The following IL6ST variants were observed in gnomAD, a reference collection of about 807,000 sequenced individuals.
IL6ST encodes interleukin 6 cytokine family signal transducer.
A neutral mutation model predicts 91.3 loss-of-function variants in IL6ST; 24 were observed. The observed-to-expected ratio is 0.26, with a 90% CI of 0.19 to 0.37. The LOEUF is 0.37. Ranked by LOEUF, IL6ST falls within the 10% of genes least tolerant of loss-of-function variation. IL6ST has a pLI of 1.00. For synonymous variants in IL6ST, 351 were observed against 373.6 expected, an observed-to-expected ratio of 0.94 and a Z score of 0.70; for missense variants, 914 against 1,078.5, an observed-to-expected ratio of 0.85 and a Z score of 2.14.
At chr5:55,959,002 C>T (rs1422086970) in intron 8 of IL6ST, among the ~76,000 whole-genome samples, 1 of 151,698 alleles carries the variant, frequency 6.6e-6, no homozygotes, top group Admixed American at 6.6e-5. Context: ...CAGTGCAGCA[C>T]TCAAACAGAA....
At chr5:55,957,177 A>G (rs1448311523) in intron 9 of IL6ST, 32 bp downstream of exon 9, 5 of 1,081,298 alleles carry the variant, frequency 4.6e-6, no homozygotes, top group Non-Finnish European at 6.8e-6. Flanking sequence ...AAAAAGATTT[A>G]TAAGAGATAA....
intron 1 of IL6ST, among the ~76,000 whole-genome samples, chr5:55,986,296 C>T (rs1753967196): frequency 6.6e-6 from 1 of 152,152 alleles, no homozygotes; most frequent in African/African-American, 2.4e-5. Flanking sequence ...TTTGGTAGAT[C>T]CTTTTGATAA....
intron 1 of IL6ST, among the ~76,000 whole-genome samples, chr5:55,988,441 T>C (rs1561207536): frequency 6.6e-6 from 1 of 151,142 alleles, no homozygotes; most frequent in Non-Finnish European, 1.5e-5. Flanking sequence ...CTATTTAGAG[T>C]TTAACATAAC....
Position 55,936,066 on chromosome 5 carries a change from G to GT in IL6ST, c.*5015dup, listed in dbSNP as rs1019764658. The GT allele has an allele frequency of 8.8e-6, 2 of 228,008 alleles. No individual in the cohort carries two copies. Among genetic ancestry groups the GT allele is most frequent in the African/African-American group, 2.2e-5 (1 of 45,050 alleles). 14.1% of individuals were successfully genotyped at this position (228,008 alleles called of 1,614,324 possible). On this transcript the variant is annotated 3_prime_UTR_variant, in exon 17 of 17. Transcript: ENST00000381298. Reference sequence around the variant, plus strand: ...GGAGTTACTGTTGGCTGGCTTGTGGGTTTTTTGACTCACTACATTTTTTTA... The same window carrying GT: ...GGAGTTACTGTTGGCTGGCTTGTGGGTTTTTTTGACTCACTACATTTTTTTA...
At chr5:55,984,514 C>G (rs189867288) in intron 1 of IL6ST, among the ~76,000 whole-genome samples, 11 of 152,204 alleles carry the variant, frequency 7.2e-5, no homozygotes, top group African/African-American at 2.6e-4. Flanking sequence ...CAGCTGTAAG[C>G]TAAGGAATCT....
At chr5:55,990,716 T>G (rs1754271457) in intron 1 of IL6ST, among the ~76,000 whole-genome samples, 1 of 152,134 alleles carries the variant, frequency 6.6e-6, no homozygotes, top group African/African-American at 2.4e-5. Flanking sequence ...TACATGCTCA[T>G]GAACACATAT....
chr5:55,984,633 T>C (rs1753854684), intron 1 of IL6ST, among the ~76,000 whole-genome samples: 1 of 152,222 alleles, frequency 6.6e-6, no homozygotes, highest in African/African-American at 2.4e-5. Flanking sequence ...ATTTGTTGTT[T>C]TGAGCCACCC....
rs1314311762 is a variant in IL6ST at position 55,941,171 on chromosome 5, T to C, written c.2668A>G (p.Thr890Ala). Reference protein sequence around the residue: ...GTEGQVERFETVGMEAATDEG... With the variant: ...GTEGQVERFEAVGMEAATDEG... ...TCAGTCGCAGCCTCCATGCCAACTGTTTCAAATCTTTCTACTTGTCCCTCA... is the reference window on the plus strand; with the variant it reads ...TCAGTCGCAGCCTCCATGCCAACTGCTTCAAATCTTTCTACTTGTCCCTCA... The change falls in exon 17 of 17, where the codon ACA becomes GCA. Residue 890 changes from threonine to alanine, a missense_variant. Transcript: ENST00000381298. The C allele has an allele frequency of 6.2e-7, 1 of 1,614,004 alleles. No homozygotes were observed. The highest frequency in any genetic ancestry group is 1.7e-5 in the Admixed American group (1 of 59,996).
Position 55,951,998 on chromosome 5 carries a change from C to G in IL6ST, c.1630G>C (p.Val544Leu), listed in dbSNP as rs375131282. 17 of 1,588,910 alleles carry G rather than the reference C, an allele frequency of 1.1e-5. No individual in the cohort carries two copies. Among genetic ancestry groups the G allele is most frequent in the Non-Finnish European group, 1.4e-5 (16 of 1,157,524 alleles). ...CTGATAAATCCATTCTGAACATCAA[C>G]AGGAAGTTGGTCCCACTCTAAGACA... ...EAVLEWDQLP[V>L]DVQNGFIRNY... The change falls in exon 13 of 17, where the codon GTT becomes CTT. Residue 544 changes from valine to leucine, a missense_variant. Physicochemically the swap from Val to Leu is conservative, Grantham distance 32. Coordinates refer to ENST00000381298, the MANE Select transcript of IL6ST (RefSeq NM_002184.4).
At chr5:55,991,653 G>T (rs986306846) in intron 1 of IL6ST, among the ~76,000 whole-genome samples, 7 of 150,646 alleles carry the variant, frequency 4.6e-5, no homozygotes, top group Non-Finnish European at 1.0e-4. Flanking sequence ...GAATAATAAT[G>T]CCAAATATTC....
chr5:55,955,655 T>G (rs1204946088), intron 10 of IL6ST, among the ~76,000 whole-genome samples: 1 of 150,224 alleles, frequency 6.7e-6, no homozygotes, highest in Admixed American at 6.6e-5. Context: ...TACTGTGAAG[T>G]TTAAGTGAGC....
Position 55,941,708 on chromosome 5 carries a change from A to G in IL6ST, c.2131T>C (p.Leu711=), listed in dbSNP as rs780183208. 103 of 1,613,902 alleles carry G rather than the reference A, an allele frequency of 6.4e-5. 1 individual carries two copies. The highest frequency in any genetic ancestry group is 5.3e-4 in the South Asian group (48 of 91,082). The change falls in exon 17 of 17, where the codon TTG becomes CTG. Residue 711 remains leucine, a synonymous_variant. Coordinates refer to ENST00000381298, the MANE Select transcript of IL6ST (RefSeq NM_002184.4). ...KKPFPEDLKS[L]DLFKKEKINT... is the part of the protein sequence containing the mutation. ...ATTTTTTCCTTTTTGAACAGGTCCA[A>G]TGATTTCAGATCTTCTGGAAAAGGC...
Position 55,935,854 on chromosome 5 carries a change from T to C in IL6ST, c.*5228A>G, listed in dbSNP as rs1750493448. 4.6e-6 allele frequency: 1 copy of C among 217,980 alleles called. No homozygotes were observed. Among genetic ancestry groups the C allele is most frequent in the Non-Finnish European group, 9.2e-6 (1 of 108,460 alleles). The allele number at this position is 217,980 out of a possible 1,614,324, so 13.5% of individuals were successfully genotyped here. On this transcript the variant is annotated 3_prime_UTR_variant, in exon 17 of 17. Coordinates refer to ENST00000381298, the MANE Select transcript of IL6ST (RefSeq NM_002184.4). Reference sequence around the variant, plus strand: ...GAGAAAGAGTATGCTCTCAAGGAGTTACATAATCTTTTCCAAAGCAGGATG... The same window carrying C: ...GAGAAAGAGTATGCTCTCAAGGAGTCACATAATCTTTTCCAAAGCAGGATG...
intron 15 of IL6ST, among the ~76,000 whole-genome samples, chr5:55,946,348 ACTC>A (rs772453376): frequency 1.3e-5 from 2 of 152,060 alleles, no homozygotes; most frequent in Non-Finnish European, 2.9e-5. Context: ...CAGCACTCTC[ACTC>A]CTATTATTTG....
At chr5:55,967,959 C>G (rs974687164) in intron 5 of IL6ST, among the ~76,000 whole-genome samples, 3 of 152,056 alleles carry the variant, frequency 2.0e-5, no homozygotes, top group African/African-American at 7.2e-5. Context: ...CCATGCCTGG[C>G]TAATTTTTGT....
rs149231424 is a variant in IL6ST, at chr5:55,986,891, T to C, written c.-103-4080A>G. On this transcript the variant is annotated intron_variant, in intron 1 of 16. Transcript: ENST00000381298. ...CTTTTGCATATATTAAAACTTCACA[T>C]TGGTAGCTCCCACCTGAAATCCCAT... Among the ~76,000 whole-genome samples the C allele has an allele frequency of 9.3e-4, 142 of 152,310 alleles. 1 individual carries two copies. Among genetic ancestry groups the C allele is most frequent in the African/African-American group, 3.2e-3 (132 of 41,562 alleles).
At chr5:55,986,658 TTTC>T (rs1753989519) in intron 1 of IL6ST, among the ~76,000 whole-genome samples, 1 of 152,206 alleles carries the variant, frequency 6.6e-6, no homozygotes, top group Non-Finnish European at 1.5e-5. Flanking sequence ...TGCATTTATT[TTTC>T]TTAATTATTT....
Position 55,963,602 on chromosome 5 carries a change from A to G in IL6ST, c.659-96T>C, listed in dbSNP as rs183613875. On this transcript the variant is annotated intron_variant, in intron 6 of 16. Coordinates refer to ENST00000381298, the MANE Select transcript of IL6ST (RefSeq NM_002184.4). Reference sequence around the variant, plus strand: ...TATATTGTCCTTCCTTTATTTTACAATAATTTATCCTTACCAAATGAACTA... The same window carrying G: ...TATATTGTCCTTCCTTTATTTTACAGTAATTTATCCTTACCAAATGAACTA... 12 of 896,132 alleles carry G rather than the reference A, an allele frequency of 1.3e-5. No individual in the cohort carries two copies. In the East Asian group the frequency reaches 2.9e-4, roughly 22 times the overall value. The allele number at this position is 896,132 out of a possible 1,614,324, so 55.5% of individuals were successfully genotyped here.
chr5:55,993,626 G>A (rs1754459138), intron 1 of IL6ST, among the ~76,000 whole-genome samples: 1 of 152,086 alleles, frequency 6.6e-6, no homozygotes, highest in Middle Eastern at 3.2e-3. Flanking sequence ...TGTCCTTTTT[G>A]ACACTTTCTC....
Sources: allele counts gnomAD v4.1 joint callset (sites outside exome capture counted in the v4.1 genomes callset), GRCh38; gene constraint gnomAD v4.1.1; transcripts MANE v1.5; gene names NCBI Gene and HGNC (gene_info 2026-07-23, HGNC 2026-07-21).